The following PROS1 variants were observed in gnomAD, a reference collection of about 807,000 sequenced individuals.
The protein encoded by PROS1 is protein S.
In PROS1, 29 loss-of-function variants were observed where a neutral mutation model predicts 75.9. That is an observed-to-expected ratio of 0.38 (90% CI 0.28 to 0.52). The LOEUF is 0.52. PROS1 is among the 20% of genes least tolerant of loss of function. The pLI is 0.83. For synonymous variants in PROS1, 245 were observed against 280.6 expected (o/e 0.87, Z 1.27); for missense variants, 680 against 810.3 (o/e 0.84, Z 1.95).
At chr3:93,931,940 T>G (rs575195426) in intron 1 of PROS1, among the ~76,000 whole-genome samples, 1 of 152,316 alleles carries the variant, frequency 6.6e-6, no homozygotes, top group South Asian at 2.1e-4. Context: ...TAGCTGTCCT[T>G]TACAAAATAA....
At position 93,884,765 on chromosome 3, in the gene PROS1, A is replaced by T. The variant is rs774654528; in HGVS notation, c.1455T>A (p.Tyr485Ter). 1 of 1,613,928 alleles carries T rather than the reference A, an allele frequency of 6.2e-7. No individual in the cohort carries two copies. Among genetic ancestry groups the T allele is most frequent in the South Asian group, 1.1e-5 (1 of 91,040 alleles). The change falls in exon 12 of 15, where the codon TAT (tyrosine) becomes TAA (stop). Residue 485 changes from tyrosine (Y) to a stop codon, truncating the protein, a stop_gained. Coordinates refer to ENST00000394236, the MANE Select transcript of PROS1 (RefSeq NM_000313.4). LOFTEE classifies it high-confidence loss of function. ...GAAATTGAGCAATTCCAGAACCAGG[A>T]TAGTAGGAGCCCTTCTCCACAGTAA... ...CLVTVEKGSYYPGSGIAQFHI... is the reference protein window; with the variant it reads ...CLVTVEKGSY
At chr3:93,941,089 G>T (rs1303841320) in intron 1 of PROS1, among the ~76,000 whole-genome samples, 1 of 152,008 alleles carries the variant, frequency 6.6e-6, no homozygotes, top group Admixed American at 6.6e-5. Flanking sequence ...ATCAGTCCCT[G>T]CAAATTACCT....
At chr3:93,896,504 C>T in intron 9 of PROS1, 72 bp downstream of exon 9, 1 of 1,136,870 alleles carries the variant, frequency 8.8e-7, no homozygotes, top group Non-Finnish European at 1.3e-6. Flanking sequence ...ACACTTCAAA[C>T]CTTTTCGGCC....
chr3:93,973,434 C>T, intron 1 of PROS1: 1 of 516,658 alleles, frequency 1.9e-6, no homozygotes, highest in South Asian at 2.6e-5. Context: ...TTAGTGTCAT[C>T]TAGGTTCTTA....
At chr3:93,933,457 C>T (rs1709135771) in intron 1 of PROS1, among the ~76,000 whole-genome samples, 1 of 151,898 alleles carries the variant, frequency 6.6e-6, no homozygotes, top group South Asian at 2.1e-4. Context: ...CACCTGGAAT[C>T]CCAGCTACTT....
intron 12 of PROS1, among the ~76,000 whole-genome samples, chr3:93,883,739 G>T (rs545226573): frequency 6.6e-6 from 1 of 151,770 alleles, no homozygotes; most frequent in Non-Finnish European, 1.5e-5. Flanking sequence ...GGAGGCCAAG[G>T]GGGTGGATCA....
At chr3:93,883,706 A>G (rs1261560828) in intron 12 of PROS1, among the ~76,000 whole-genome samples, 2 of 152,148 alleles carry the variant, frequency 1.3e-5, no homozygotes, top group Non-Finnish European at 2.9e-5. Flanking sequence ...GCGGTGGCTC[A>G]CACCTGTAAT....
At chr3:93,949,222 T>C (rs771159478) in intron 1 of PROS1, among the ~76,000 whole-genome samples, 1 of 152,154 alleles carries the variant, frequency 6.6e-6, no homozygotes, top group African/African-American at 2.4e-5. Context: ...CACACCACAA[T>C]AGGAACCTTA....
chr3:93,894,059 A>G (rs1294378047), intron 9 of PROS1, among the ~76,000 whole-genome samples: 2 of 152,154 alleles, frequency 1.3e-5, no homozygotes, highest in Non-Finnish European at 1.5e-5. Flanking sequence ...GAAAAGGAAC[A>G]ATAGGTGTAT....
intron 9 of PROS1, among the ~76,000 whole-genome samples, chr3:93,893,847 G>A (rs1708466181): frequency 6.6e-6 from 1 of 152,142 alleles, no homozygotes; most frequent in African/African-American, 2.4e-5. Context: ...CCATGTGTTT[G>A]GGGGGTATCT....
intron 1 of PROS1, among the ~76,000 whole-genome samples, chr3:93,954,270 C>A (rs1709561066): frequency 6.6e-6 from 1 of 152,122 alleles, no homozygotes; most frequent in South Asian, 2.1e-4. Context: ...ATTGCCAAGA[C>A]AATCCTAAGA....
In PROS1 at chr3:93,973,745, C is replaced by G; in HGVS notation, c.5G>C (p.Arg2Thr). M[R>T]VLGGRCGALL... ...CGCCCCGCAGCGCCCACCCAGGACCCTCATTTCGAAGCGCGCGGAGGCGCC... is the reference window on the plus strand; with the variant it reads ...CGCCCCGCAGCGCCCACCCAGGACCGTCATTTCGAAGCGCGCGGAGGCGCC... The change falls in exon 1 of 15, where the codon AGG (arginine) becomes ACG (threonine). Residue 2 changes from arginine to threonine, a missense_variant. Coordinates refer to ENST00000394236, the MANE Select transcript of PROS1 (RefSeq NM_000313.4). 1 of 1,612,700 alleles carries G rather than the reference C, an allele frequency of 6.2e-7. No homozygotes were observed. Among genetic ancestry groups the G allele is most frequent in the Non-Finnish European group, 8.5e-7 (1 of 1,179,400 alleles).
At chr3:93,903,578 G>C (rs1708629515) in intron 6 of PROS1, among the ~76,000 whole-genome samples, 1 of 152,094 alleles carries the variant, frequency 6.6e-6, no homozygotes, top group Non-Finnish European at 1.5e-5. Flanking sequence ...GCTGAGGTGG[G>C]AGGATCTCCC....
intron 1 of PROS1, among the ~76,000 whole-genome samples, chr3:93,938,843 C>G (rs1354519922): frequency 2.0e-5 from 3 of 152,082 alleles, no homozygotes; most frequent in Non-Finnish European, 4.4e-5. Flanking sequence ...TGCCTGATCA[C>G]CATGGGGATG....
At chr3:93,890,537 C>T (rs150582727) in intron 10 of PROS1, among the ~76,000 whole-genome samples, 5 of 152,108 alleles carry the variant, frequency 3.3e-5, no homozygotes, top group African/African-American at 7.2e-5. Context: ...ACAGTCCTAT[C>T]GATATGTGAT....
chr3:93,945,776 C>T (rs1358661175), intron 1 of PROS1, among the ~76,000 whole-genome samples: 4 of 152,156 alleles, frequency 2.6e-5, no homozygotes, highest in Non-Finnish European at 4.4e-5. Context: ...TCTCACCACT[C>T]CTATTCAAAA....
chr3:93,918,497 G>C (rs1339706533), intron 3 of PROS1, among the ~76,000 whole-genome samples: 1 of 152,074 alleles, frequency 6.6e-6, no homozygotes, highest in African/African-American at 2.4e-5. Flanking sequence ...AAGGTCCGAA[G>C]CTTCACTCCT....
intron 3 of PROS1, among the ~76,000 whole-genome samples, chr3:93,920,289 G>A (rs1576194816): frequency 6.6e-6 from 1 of 152,070 alleles, no homozygotes; most frequent in African/African-American, 2.4e-5. Flanking sequence ...ACTGATCACT[G>A]TATAGTATCA....
chr3:93,950,426 A>G (rs2107241782), intron 1 of PROS1, among the ~76,000 whole-genome samples: 1 of 152,286 alleles, frequency 6.6e-6, no homozygotes, highest in South Asian at 2.1e-4. Context: ...ACTGGGAGAC[A>G]TCTCCCAGTA....
Sources: allele counts gnomAD v4.1 joint callset (sites outside exome capture counted in the v4.1 genomes callset), GRCh38; gene constraint gnomAD v4.1.1; transcripts MANE v1.5; gene names NCBI Gene and HGNC (gene_info 2026-07-23, HGNC 2026-07-21).